The following ABI3 variants were observed in gnomAD, a reference collection of about 807,000 sequenced individuals.
ABI3 encodes ABI gene family member 3.
ABI3 carries 24 observed loss-of-function variants against 37.0 expected under a neutral mutation model. The ratio of observed to expected loss-of-function variants is 0.65; its 90% confidence interval spans 0.47 to 0.91. The LOEUF is 0.91. Ranked by LOEUF, ABI3 falls within the 40% of genes least tolerant of loss-of-function variation. The probability of loss-of-function intolerance (pLI) is 0.00; values close to 1 mark genes in which losing one functional copy is unlikely to be tolerated. For synonymous variants in ABI3, 220 were observed against 211.8 expected, an observed-to-expected ratio of 1.04 and a Z score of -0.34; for missense variants, 481 against 485.1, an observed-to-expected ratio of 0.99 and a Z score of 0.08.
chr17:49,219,687 TC>T lies in ABI3; in HGVS notation c.548+67del. 1 of 1,487,562 alleles carries T rather than the reference TC, an allele frequency of 6.7e-7. No individual in the cohort carries two copies. The highest frequency in any genetic ancestry group is 9.1e-7 in the Non-Finnish European group (1 of 1,094,118). 92.1% of individuals were successfully genotyped at this position (1,487,562 alleles called of 1,614,324 possible). A position where few individuals can be genotyped will look rare whatever the true frequency, so the allele number is the denominator to read the frequency against. ...GCCCCGCGCGACCCTGAAACTCTCC[TC>T]CCCCAGCCTCGCCACCCACCCCTGG... On this transcript the variant is annotated intron_variant, in intron 4 of 7. Coordinates refer to ENST00000225941, the MANE Select transcript of ABI3 (RefSeq NM_016428.3). The surrounding 1 kb of genome is among the most constrained non-coding windows in gnomAD (Gnocchi z 4.3).
rs746017959 is a variant in ABI3, at chr17:49,219,560, A to G, written c.483A>G (p.Ser161=). The G allele has an allele frequency of 6.2e-7, 1 of 1,605,346 alleles. No homozygotes were observed. Among genetic ancestry groups the G allele is most frequent in the East Asian group, 2.2e-5 (1 of 44,498 alleles). The change falls in exon 4 of 8, where the codon TCA becomes TCG. Residue 161 remains serine (S), a synonymous_variant. Transcript: ENST00000225941. The surrounding 1 kb of genome is among the most constrained non-coding windows in gnomAD (Gnocchi z 4.3). The part of the protein sequence containing the change: ...HGIKDLSTQL[S]RTGTLSRKSI... The stretch of plus-strand genomic sequence containing the variant: ...CGCAGGACCTCAGCACGCAGCTGTC[A>G]AGAACAGGCACCCTGTCTCGAAAGA...
At position 49,217,840 on chromosome 17, in the gene ABI3, C is replaced by T; in HGVS notation, c.387C>T (p.Asn129=). ...PPGQKVIAPE[N]LPPLTPYCRR... ...GCCAGAAGGTCATCGCCCCAGAGAACCTACCCCCTCTCACGCCCTACTGCA... is the reference window on the plus strand; with the variant it reads ...GCCAGAAGGTCATCGCCCCAGAGAATCTACCCCCTCTCACGCCCTACTGCA... Residue 129 remains asparagine (N), a synonymous_variant, in exon 3 of 8, where the codon AAC becomes AAT. Transcript: ENST00000225941. The T allele has an allele frequency of 6.2e-7, 1 of 1,607,468 alleles. No homozygotes were observed. The highest frequency in any genetic ancestry group is 8.5e-7 in the Non-Finnish European group (1 of 1,177,256).
rs1230582679 is a variant in ABI3, at chr17:49,220,931, G to A, written c.802+605G>A. Among the ~76,000 whole-genome samples, 8 of 151,680 alleles carry A rather than the reference G, an allele frequency of 5.3e-5. No homozygotes were observed. In the South Asian group the frequency reaches 6.2e-4, roughly 12 times the overall value. On this transcript the variant is annotated intron_variant, in intron 6 of 7. Transcript: ENST00000225941. ...GGGCCAGGCGGGGTGGCTCACGGCC[G>A]TAATCCCGGCACTTTGGGGGGCTGT...
chr17:49,219,479 G>A lies in ABI3; in HGVS notation c.463-61G>A, dbSNP rs2043255499. Reference sequence around the variant, plus strand: ...CGCCCCTCCTCCATTTCCTCTTGGGGATGAGGGTGGAGGGAGGCCCCTCAC... The same window carrying A: ...CGCCCCTCCTCCATTTCCTCTTGGGAATGAGGGTGGAGGGAGGCCCCTCAC... On this transcript the variant is annotated intron_variant, in intron 3 of 7. Coordinates refer to ENST00000225941, the MANE Select transcript of ABI3 (RefSeq NM_016428.3). This position sits in a 1 kb window ranked among gnomAD's most constrained non-coding sequence, Gnocchi z 4.3. 3.6e-6 allele frequency: 5 copies of A among 1,407,728 alleles called. No individual in the cohort carries two copies. Among genetic ancestry groups the A allele is most frequent in the East Asian group, 2.5e-5 (1 of 40,128 alleles). The allele number at this position is 1,407,728 out of a possible 1,614,324, so 87.2% of individuals were successfully genotyped here. A position where few individuals can be genotyped will look rare whatever the true frequency, so the allele number is the denominator to read the frequency against.
At chr17:49,220,010 G>T in intron 5 of ABI3, 57 bp downstream of exon 5, 2 of 1,528,432 alleles carry the variant, frequency 1.3e-6, no homozygotes, top group Admixed American at 2.0e-5. Flanking sequence ...TTTTGAGAGG[G>T]GCCACCTGCC....
intron 7 of ABI3, 112 bp downstream of exon 7, chr17:49,222,337 AT>A: frequency 6.9e-7 from 1 of 1,450,512 alleles, no homozygotes; most frequent in Non-Finnish European, 9.2e-7. Context: ...CCCCCACACA[AT>A]TTTTCTGACG....
Position 49,217,780 on chromosome 17 carries a change from C to T in ABI3, c.327C>T (p.Ile109=), listed in dbSNP as rs768574847. ...MHMEKVARRE[I]GTLATVQRLP... ...TGGAGAAGGTGGCCCGAAGGGAGAT[C>T]GGCACCTTAGCCACTGTCCAGCGGC... Residue 109 remains isoleucine, a synonymous_variant, in exon 3 of 8, where the codon ATC becomes ATT. Coordinates refer to ENST00000225941, the MANE Select transcript of ABI3 (RefSeq NM_016428.3). 41 of 1,611,366 alleles carry T rather than the reference C, an allele frequency of 2.5e-5. No individual in the cohort carries two copies. The highest frequency in any genetic ancestry group is 3.4e-5 in the Admixed American group (2 of 59,640).
At position 49,219,847 on chromosome 17, in the gene ABI3, C is replaced by T. The variant is rs773771344; in HGVS notation, c.549-11C>T. ...CCTTCCTCCTAATACCCACTCCCTGCCCCCCGCCAGGAGACCACCCCGGAT... is the reference window on the plus strand; with the variant it reads ...CCTTCCTCCTAATACCCACTCCCTGTCCCCCGCCAGGAGACCACCCCGGAT... On this transcript the variant is annotated splice_polypyrimidine_tract_variant and intron_variant, in intron 4 of 7. Coordinates refer to ENST00000225941, the MANE Select transcript of ABI3 (RefSeq NM_016428.3). The surrounding 1 kb of genome is among the most constrained non-coding windows in gnomAD (Gnocchi z 4.3). 3 of 1,539,540 alleles carry T rather than the reference C, an allele frequency of 1.9e-6. No individual in the cohort carries two copies. The highest frequency in any genetic ancestry group is 2.0e-5 in the Admixed American group (1 of 51,210).
Position 49,220,460 on chromosome 17 carries a change from C to T in ABI3, c.802+134C>T, listed in dbSNP as rs116880665. Reference sequence around the variant, plus strand: ...TCCTCCAAGGAGCGCAGCACAGGGGCGAAAGGAGACAGAGGAAGTGAACTA... The same window carrying T: ...TCCTCCAAGGAGCGCAGCACAGGGGTGAAAGGAGACAGAGGAAGTGAACTA... On this transcript the variant is annotated intron_variant, in intron 6 of 7. Coordinates refer to ENST00000225941, the MANE Select transcript of ABI3 (RefSeq NM_016428.3). The T allele has an allele frequency of 1.9e-3, 2,246 of 1,162,540 alleles. 1 individual carries two copies. Among genetic ancestry groups the T allele is most frequent in the Admixed American group, 3.7e-3 (131 of 35,784 alleles). 72.0% of individuals were successfully genotyped at this position (1,162,540 alleles called of 1,614,324 possible). A position where few individuals can be genotyped will look rare whatever the true frequency, so the allele number is the denominator to read the frequency against.
At chr17:49,220,035 C>T in intron 5 of ABI3, 82 bp downstream of exon 5, 2 of 1,534,604 alleles carry the variant, frequency 1.3e-6, no homozygotes, top group African/African-American at 2.7e-5. Context: ...GTCATAGTGA[C>T]TCCTGGGCTT....
At chr17:49,220,091 A>G in intron 5 of ABI3, 78 bp from the exon 6 acceptor site, 1 of 1,596,930 alleles carries the variant, frequency 6.3e-7, no homozygotes, top group Admixed American at 1.7e-5. Context: ...GGCTGGGGTC[A>G]GGATTGGAGG....
chr17:49,219,491 G>A lies in ABI3; in HGVS notation c.463-49G>A, dbSNP rs2043255582. The A allele has an allele frequency of 2.0e-6, 3 of 1,476,354 alleles. No homozygotes were observed. Among genetic ancestry groups the A allele is most frequent in the South Asian group, 2.5e-5 (2 of 81,608 alleles). The allele number at this position is 1,476,354 out of a possible 1,614,324, so 91.5% of individuals were successfully genotyped here. On this transcript the variant is annotated intron_variant, in intron 3 of 7. Transcript: ENST00000225941. This position sits in a 1 kb window ranked among gnomAD's most constrained non-coding sequence, Gnocchi z 4.3. ...ATTTCCTCTTGGGGATGAGGGTGGA[G>A]GGAGGCCCCTCACCCCAAATGTAAG...
chr17:49,219,131 T>G lies in ABI3; in HGVS notation c.463-409T>G, dbSNP rs2043252248. Among the ~76,000 whole-genome samples the G allele has an allele frequency of 6.6e-6, 1 of 152,138 alleles. No individual in the cohort carries two copies. Among genetic ancestry groups the G allele is most frequent in the African/African-American group, 2.4e-5 (1 of 41,428 alleles). ...AACTCCCCAAAGCCAGTTCCACAAA[T>G]CTTCGAAAATGAAAGGTGGGACACT... On this transcript the variant is annotated intron_variant, in intron 3 of 7. Transcript: ENST00000225941. The surrounding 1 kb of genome is among the most constrained non-coding windows in gnomAD (Gnocchi z 4.3).
chr17:49,218,608 A>ATTCTTTTTTTTTTT (rs57445695), intron 3 of ABI3, among the ~76,000 whole-genome samples: 2,319 of 145,862 alleles, frequency 0.016, 97 homozygotes, highest in African/African-American at 0.056. Flanking sequence ...TCCAACTTAT[A>ATTCTTTTTTTTTTT]TTTTTTTTTT....
rs1432592035 is a variant in ABI3, at chr17:49,210,976, G to C, written c.117+135G>C. 5 of 707,708 alleles carry C rather than the reference G, an allele frequency of 7.1e-6. No individual in the cohort carries two copies. The highest frequency in any genetic ancestry group is 1.2e-5 in the Non-Finnish European group (5 of 429,784). 43.8% of individuals were successfully genotyped at this position (707,708 alleles called of 1,614,324 possible). ...TGGCTGAGAAATCCTCCCATTCCAG[G>C]CTTCGGCTTCATCCCAGACCCCAAT... On this transcript the variant is annotated intron_variant, in intron 1 of 7. Coordinates refer to ENST00000225941, the MANE Select transcript of ABI3 (RefSeq NM_016428.3). The surrounding 1 kb of genome is among the most constrained non-coding windows in gnomAD (Gnocchi z 4.2).
Position 49,219,418 on chromosome 17 carries a change from A to G in ABI3, c.463-122A>G. On this transcript the variant is annotated intron_variant, in intron 3 of 7. Transcript: ENST00000225941. This position sits in a 1 kb window ranked among gnomAD's most constrained non-coding sequence, Gnocchi z 4.3. ...AGGGGCCTGAGAAGTGGAAGTGGGA[A>G]CTGGCTATGCCGGGCTCTCCCTCCC... 1 of 793,460 alleles carries G rather than the reference A, an allele frequency of 1.3e-6. No homozygotes were observed. Among genetic ancestry groups the G allele is most frequent in the Non-Finnish European group, 2.0e-6 (1 of 494,090 alleles). 49.2% of individuals were successfully genotyped at this position (793,460 alleles called of 1,614,324 possible).
At position 49,222,556 on chromosome 17, in the gene ABI3, G is replaced by A; in HGVS notation, c.942G>A (p.Val314=). ...WVPASYLEKV[V]TLYPYTSQKD... ...CCCTCTTCTCTTGCCCTGCAGTGGT[G>A]ACACTGTACCCATACACCAGCCAGA... Residue 314 remains valine, a synonymous_variant, in exon 8 of 8, where the codon GTG becomes GTA. Transcript: ENST00000225941. The A allele has an allele frequency of 6.2e-7, 1 of 1,613,770 alleles. No homozygotes were observed. The highest frequency in any genetic ancestry group is 8.5e-7 in the Non-Finnish European group (1 of 1,179,956).
rs868437723 is a variant in ABI3, at chr17:49,219,922, G to T, written c.613G>T (p.Ala205Ser). The T allele has an allele frequency of 1.3e-6, 2 of 1,555,888 alleles. No individual in the cohort carries two copies. The highest frequency in any genetic ancestry group is 1.7e-6 in the Non-Finnish European group (2 of 1,156,220). ...GGTGCCCGACGGCAGACTCTCCGCC[G>T]CCTCCTCTGCGTTTTCCCTGGCCTC... ...PVVPDGRLSA[A>S]SSAFSLASAG... The change falls in exon 5 of 8, where the codon GCC becomes TCC. Residue 205 changes from alanine (A) to serine (S), a missense_variant. By Grantham distance (99) the Ala-to-Ser change is moderately conservative. Coordinates refer to ENST00000225941, the MANE Select transcript of ABI3 (RefSeq NM_016428.3). The surrounding 1 kb of genome is among the most constrained non-coding windows in gnomAD (Gnocchi z 4.3).
intron 7 of ABI3, 148 bp from the exon 8 acceptor site, chr17:49,222,404 G>A (rs959809616): frequency 2.2e-6 from 3 of 1,346,062 alleles, no homozygotes; most frequent in South Asian, 2.8e-5. Context: ...TAACTAAGCT[G>A]GGGAGGGGTC....
Sources: gnomAD v4.1 joint callset for allele counts (sites outside exome capture counted in the v4.1 genomes callset) on GRCh38, gnomAD v4.1.1 for gene constraint, Gnocchi (gnomAD v3.1) non-coding constraint, MANE v1.5 for transcripts, NCBI Gene and HGNC (gene_info 2026-07-23, HGNC 2026-07-21) for gene names.